MCPH1: variants seen among roughly 807,000 people sequenced by gnomAD.
MCPH1 encodes microcephalin 1.
In MCPH1, 104 loss-of-function variants were observed where a neutral mutation model predicts 84.5. The observed-to-expected ratio is 1.23, with a 90% CI of 1.05 to 1.45. The LOEUF is 1.45. Among genes scored for constraint, MCPH1 ranks in the 40% most tolerant of loss-of-function variants. The pLI is 0.00. For missense variants in MCPH1, 1,498 were observed against 1,005.7 expected, an observed-to-expected ratio of 1.49 and a Z score of -6.62; for synonymous variants, 514 against 366.8, an observed-to-expected ratio of 1.40 and a Z score of -4.58.
chr8:6,537,719 T>C (rs1204767425), intron 12 of MCPH1, among the ~76,000 whole-genome samples: 1 of 152,110 alleles, frequency 6.6e-6, no homozygotes, highest in Non-Finnish European at 1.5e-5. Flanking sequence ...TATCTGGCTA[T>C]CTTCCTTCTC....
At chr8:6,611,695 TGCAA>T (rs1453895107) in intron 12 of MCPH1, among the ~76,000 whole-genome samples, 2 of 152,142 alleles carry the variant, frequency 1.3e-5, no homozygotes, top group African/African-American at 4.8e-5. Context: ...CTCAGCTCCC[TGCAA>T]GCTCCGCCTC....
At chr8:6,494,586 C>G (rs377631690) in intron 11 of MCPH1, 14 of 152,242 alleles carry the variant, frequency 9.2e-5, no homozygotes, top group African/African-American at 3.4e-4. Context: ...GATCACTAGC[C>G]TTCATTAAAA....
intron 12 of MCPH1, among the ~76,000 whole-genome samples, chr8:6,604,543 C>T (rs1250938195): frequency 3.9e-5 from 6 of 152,256 alleles, no homozygotes; most frequent in African/African-American, 1.2e-4. Context: ...CTCACTCTAT[C>T]GCCCAGGCTG....
intron 7 of MCPH1, among the ~76,000 whole-genome samples, chr8:6,443,506 T>C (rs757835321): frequency 1.3e-5 from 2 of 152,346 alleles, no homozygotes; most frequent in African/African-American, 2.4e-5. Context: ...GACCTCCAGA[T>C]TGAGTGATTT....
chr8:6,448,549 G>T (rs1804698549), intron 8 of MCPH1, among the ~76,000 whole-genome samples: 1 of 152,194 alleles, frequency 6.6e-6, no homozygotes, highest in Admixed American at 6.5e-5. Flanking sequence ...GGTCACTGAA[G>T]AACAGACTGT....
chr8:6,627,013 TG>T, intron 13 of MCPH1: 1 of 984,954 alleles, frequency 1.0e-6, no homozygotes. Flanking sequence ...AGCCTCCGCC[TG>T]ATTTTCTTAT....
intron 12 of MCPH1, among the ~76,000 whole-genome samples, chr8:6,542,599 T>A (rs58436743): frequency 0.2 from 28,761 of 146,586 alleles, 2,860 homozygotes; most frequent in Non-Finnish European, 0.23. Flanking sequence ...ATTCTTATCT[T>A]AAAAAAAAAA....
At chr8:6,540,972 G>A (rs1821444219) in intron 12 of MCPH1, among the ~76,000 whole-genome samples, 1 of 152,250 alleles carries the variant, frequency 6.6e-6, no homozygotes, top group Non-Finnish European at 1.5e-5. Flanking sequence ...GTCCCCAGGG[G>A]GCAGGTGGAG....
intron 12 of MCPH1, chr8:6,619,273 A>G (rs1199541483): frequency 6.6e-6 from 1 of 152,246 alleles, no homozygotes; most frequent in Non-Finnish European, 1.5e-5. Context: ...ACCCTTCCGT[A>G]TTGCTTCAAC....
intron 12 of MCPH1, among the ~76,000 whole-genome samples, chr8:6,601,956 G>T (rs1311489366): frequency 1.3e-5 from 2 of 152,220 alleles, no homozygotes; most frequent in Admixed American, 6.5e-5. Context: ...GGTAATCAGT[G>T]TACCATAGTA....
chr8:6,509,886 G>A (rs1199711833), intron 12 of MCPH1, among the ~76,000 whole-genome samples: 1 of 152,212 alleles, frequency 6.6e-6, no homozygotes, highest in East Asian at 1.9e-4. Flanking sequence ...GGGGATCACA[G>A]GACTGACTGG....
intron 12 of MCPH1, among the ~76,000 whole-genome samples, chr8:6,566,469 G>A (rs772641930): frequency 2.2e-4 from 33 of 152,292 alleles, no homozygotes; most frequent in Middle Eastern, 6.8e-3. Context: ...ACTGTACGCC[G>A]TGCAGCGACC....
chr8:6,618,077 T>TA (rs1158406354), intron 12 of MCPH1, among the ~76,000 whole-genome samples: 3 of 152,132 alleles, frequency 2.0e-5, no homozygotes, highest in Non-Finnish European at 4.4e-5. Flanking sequence ...CAGCTGAAGT[T>TA]AGAGTTTAGA....
chr8:6,640,589 A>C (rs1797878222), intron 13 of MCPH1, among the ~76,000 whole-genome samples: 2 of 152,324 alleles, frequency 1.3e-5, no homozygotes, highest in South Asian at 4.1e-4. Flanking sequence ...CATAATATGG[A>C]CATTAAACTT....
At chr8:6,449,769 C>G (rs73516777) in intron 8 of MCPH1, among the ~76,000 whole-genome samples, 6,339 of 152,240 alleles carry the variant, frequency 0.042, 340 homozygotes, top group East Asian at 0.15. Context: ...TTGTTTTAAC[C>G]TCTGACAGCA....
rs911748365 is a variant in MCPH1, at chr8:6,626,102, T to C, written c.2452+4411T>C. The C allele has an allele frequency of 1.3e-5, 13 of 985,376 alleles. No individual in the cohort carries two copies. In the African/African-American group the frequency reaches 2.1e-4, roughly 16 times the overall value. The allele number at this position is 985,376 out of a possible 1,614,324, so 61.0% of individuals were successfully genotyped here. On this transcript the variant is annotated intron_variant, in intron 13 of 13. Transcript: ENST00000344683. ...CTCAAGACCAACAACTCCATATCTA[T>C]GACGATAAAAATTGTTAGTGATTAT... is the stretch of plus-strand genomic sequence containing the variant.
At position 6,530,257 on chromosome 8, in the gene MCPH1, C is replaced by T. The variant is rs551422534; in HGVS notation, c.2214+30328C>T. Among the ~76,000 whole-genome samples, 6 of 152,118 alleles carry T rather than the reference C, an allele frequency of 3.9e-5. No homozygotes were observed. The East Asian group carries it at 9.7e-4, about 25-fold the overall frequency. ...GTACGGTGGCTCACGCCTGTGATCC[C>T]AGCAGTTTGGGAGGCCAAGGCAGGT... is the stretch of plus-strand genomic sequence containing the variant. On this transcript the variant is annotated intron_variant, in intron 12 of 13. Coordinates refer to ENST00000344683, the MANE Select transcript of MCPH1 (RefSeq NM_024596.5).
rs1235853162 is a variant in MCPH1, at chr8:6,444,987, A to G, written c.1265A>G (p.Lys422Arg). 2 of 1,614,232 alleles carry G rather than the reference A, an allele frequency of 1.2e-6. No homozygotes were observed. The highest frequency in any genetic ancestry group is 1.7e-6 in the Non-Finnish European group (2 of 1,180,038). Residue 422 changes from lysine (K) to arginine (R), a missense_variant, in exon 8 of 14, where the codon AAG becomes AGG. Physicochemically the swap from Lys to Arg is conservative, Grantham distance 26. Coordinates refer to ENST00000344683, the MANE Select transcript of MCPH1 (RefSeq NM_024596.5). ...YDDYFSPDNL[K>R]ERYSENLPPE... The stretch of plus-strand genomic sequence containing the variant: ...GACTATTTTTCACCTGATAATCTTA[A>G]GGAAAGGTATTCAGAGAATCTTCCT...
intron 12 of MCPH1, among the ~76,000 whole-genome samples, chr8:6,548,556 G>C (rs1350860317): frequency 6.6e-6 from 1 of 152,192 alleles, no homozygotes; most frequent in Non-Finnish European, 1.5e-5. Flanking sequence ...GATCAGACCA[G>C]CCAAACTTGC....
Sources: allele counts gnomAD v4.1 joint callset (sites outside exome capture counted in the v4.1 genomes callset), GRCh38; gene constraint gnomAD v4.1.1; transcripts MANE v1.5; gene names NCBI Gene and HGNC (gene_info 2026-07-23, HGNC 2026-07-21).